The following TLR5 variants were observed in gnomAD, a reference collection of about 807,000 sequenced individuals.
TLR5 encodes the protein toll like receptor 5, also known as toll-like receptor 5.
For synonymous variants in TLR5, 373 were observed against 384.4 expected (o/e 0.97, Z 0.35); for missense variants, 944 against 999.8 (o/e 0.94, Z 0.75).
At position 223,112,682 on chromosome 1, in the gene TLR5, C is replaced by G; in HGVS notation, c.350G>C (p.Gly117Ala). The part of the protein sequence containing the change: ...IYFLHPDAFQ[G>A]LFHLFELRLY... ...TCTAAGTTCAAACAGATGGAACAGT[C>G]CCTGAAAAGCATCTGGATGCAAGAA... Residue 117 changes from glycine to alanine, a missense_variant, in exon 6 of 6, where the codon GGA becomes GCA. By Grantham distance (60) the Gly-to-Ala change is moderately conservative (BLOSUM62 0). Coordinates refer to ENST00000642603, the MANE Select transcript of TLR5 (RefSeq NM_003268.6). The G allele has an allele frequency of 6.2e-7, 1 of 1,614,210 alleles. No individual in the cohort carries two copies. The highest frequency in any genetic ancestry group is 8.5e-7 in the Non-Finnish European group (1 of 1,180,046).
At chr1:223,135,814 G>A (rs1326412783) in intron 3 of TLR5, among the ~76,000 whole-genome samples, 1 of 152,158 alleles carries the variant, frequency 6.6e-6, no homozygotes, top group Non-Finnish European at 1.5e-5. Context: ...TGAAAAAAAT[G>A]GAACCACATA....
At chr1:223,126,412 G>A (rs1298876253) in intron 5 of TLR5, among the ~76,000 whole-genome samples, 4 of 152,138 alleles carry the variant, frequency 2.6e-5, no homozygotes, top group Admixed American at 1.3e-4. Flanking sequence ...ACATTCTGGA[G>A]ACAAACAGTA....
chr1:223,112,205 T>C lies in TLR5; in HGVS notation c.827A>G (p.Asp276Gly), dbSNP rs757640355. 6.2e-7 allele frequency: 1 copy of C among 1,614,196 alleles called. No individual in the cohort carries two copies. The highest frequency in any genetic ancestry group is 8.5e-7 in the Non-Finnish European group (1 of 1,180,034). The change falls in exon 6 of 6, where the codon GAT becomes GGT. Residue 276 changes from aspartate (D) to glycine (G), a missense_variant. Asp to Gly is a moderately conservative substitution (Grantham distance 94). Transcript: ENST00000642603. ...GCCAGCAAATGTGTTCTGGTCAGGATCTTTGATGTTATGGAAGCCAAACCC... is the reference window on the plus strand; with the variant it reads ...GCCAGCAAATGTGTTCTGGTCAGGACCTTTGATGTTATGGAAGCCAAACCC... ...GAGFGFHNIK[D>G]PDQNTFAGLA...
intron 1 of TLR5, among the ~76,000 whole-genome samples, chr1:223,142,742 T>A (rs1657933943): frequency 1.3e-5 from 2 of 152,162 alleles, no homozygotes; most frequent in South Asian, 4.1e-4. Context: ...TCAGTGACTT[T>A]CTGGGATTTC....
rs918753955 is a variant in TLR5 at position 223,110,372 on chromosome 1, A to C, written c.*83T>G. The C allele has an allele frequency of 5.3e-5, 79 of 1,478,450 alleles. No homozygotes were observed. Among genetic ancestry groups the C allele is most frequent in the Non-Finnish European group, 7.2e-5 (77 of 1,068,266 alleles). The allele number at this position is 1,478,450 out of a possible 1,614,324, so 91.6% of individuals were successfully genotyped here. A position where few individuals can be genotyped will look rare whatever the true frequency, so the allele number is the denominator to read the frequency against. On this transcript the variant is annotated 3_prime_UTR_variant, in exon 6 of 6. Coordinates refer to ENST00000642603, the MANE Select transcript of TLR5 (RefSeq NM_003268.6). ...AAAAAGAAAAAAAAAACCTCCAGAG[A>C]GGACCCCAAAATGATAACTTGGTGC...
chr1:223,121,759 A>G (rs1280679431), intron 5 of TLR5, among the ~76,000 whole-genome samples: 1 of 152,176 alleles, frequency 6.6e-6, no homozygotes, highest in Non-Finnish European at 1.5e-5. Flanking sequence ...GGCTCAAGCA[A>G]TCAGCCCACC....
At chr1:223,117,198 C>A (rs181239549) in intron 5 of TLR5, among the ~76,000 whole-genome samples, 1 of 152,112 alleles carries the variant, frequency 6.6e-6, no homozygotes, top group Non-Finnish European at 1.5e-5. Flanking sequence ...GCTCCTGGCC[C>A]GGGTGCTAAG....
intron 1 of TLR5, 87 bp downstream of exon 1, chr1:223,143,109 C>T (rs1657953770): frequency 6.6e-6 from 1 of 152,120 alleles, no homozygotes; most frequent in South Asian, 2.1e-4. Context: ...GAGAGGAGTC[C>T]GACCTCCGCA....
rs1263480217 is a variant in TLR5 at position 223,134,703 on chromosome 1, G to T, written c.-191C>A. 6.6e-6 allele frequency: 1 copy of T among 152,394 alleles called. No individual in the cohort carries two copies. Among genetic ancestry groups the T allele is most frequent in the South Asian group, 2.1e-4 (1 of 4,822 alleles). 9.4% of individuals were successfully genotyped at this position (152,394 alleles called of 1,614,324 possible). ...CTACCTGTCTCCAGGTTCGGACAGC[G>T]CCAACATTCTCAATTAGAAAATTAA... On this transcript the variant is annotated 5_prime_UTR_variant, in exon 4 of 6. Coordinates refer to ENST00000642603, the MANE Select transcript of TLR5 (RefSeq NM_003268.6).
At chr1:223,117,753 T>C (rs2102885247) in intron 5 of TLR5, among the ~76,000 whole-genome samples, 1 of 152,256 alleles carries the variant, frequency 6.6e-6, no homozygotes, top group East Asian at 1.9e-4. Flanking sequence ...GAAACTGTAA[T>C]TTTGCAGGGA....
intron 5 of TLR5, among the ~76,000 whole-genome samples, chr1:223,115,342 C>G (rs563502058): frequency 2.0e-5 from 3 of 152,328 alleles, no homozygotes; most frequent in Non-Finnish European, 4.4e-5. Flanking sequence ...CTCCGCCTCC[C>G]GGGTTCAAGT....
chr1:223,125,214 A>C (rs1173477659), intron 5 of TLR5, among the ~76,000 whole-genome samples: 1 of 152,222 alleles, frequency 6.6e-6, no homozygotes, highest in African/African-American at 2.4e-5. Flanking sequence ...TCACGTTAGA[A>C]ACAAATTTAC....
At chr1:223,123,236 C>T (rs557667748) in intron 5 of TLR5, among the ~76,000 whole-genome samples, 6 of 152,172 alleles carry the variant, frequency 3.9e-5, no homozygotes, top group Non-Finnish European at 7.3e-5. Context: ...AATGCCAGCT[C>T]TGAAGAACAG....
intron 5 of TLR5, among the ~76,000 whole-genome samples, chr1:223,114,319 C>T (rs905046686): frequency 6.6e-6 from 1 of 152,122 alleles, no homozygotes; most frequent in African/African-American, 2.4e-5. Context: ...CTGCAGAGAG[C>T]TTGGTGTCTA....
chr1:223,133,835 A>C (rs1202848632), intron 4 of TLR5, among the ~76,000 whole-genome samples: 2 of 152,166 alleles, frequency 1.3e-5, no homozygotes, highest in Admixed American at 1.3e-4. Context: ...CTTTCCCTAG[A>C]GACCAGCAGA....
chr1:223,125,883 G>C (rs542258482), intron 5 of TLR5, among the ~76,000 whole-genome samples: 1 of 152,290 alleles, frequency 6.6e-6, no homozygotes, highest in South Asian at 2.1e-4. Flanking sequence ...CTGATCACCT[G>C]GTCTTCTGGC....
chr1:223,133,562 A>C (rs1469433893), intron 4 of TLR5, among the ~76,000 whole-genome samples: 1 of 152,118 alleles, frequency 6.6e-6, no homozygotes, highest in African/African-American at 2.4e-5. Flanking sequence ...CATTACCCCC[A>C]TGCCCACGTG....
At position 223,134,837 on chromosome 1, in the gene TLR5, G is replaced by A. The variant is rs1657543535; in HGVS notation, c.-325C>T. 6.6e-6 allele frequency: 1 copy of A among 152,160 alleles called. No individual in the cohort carries two copies. Among genetic ancestry groups the A allele is most frequent in the Non-Finnish European group, 1.5e-5 (1 of 68,036 alleles). 9.4% of individuals were successfully genotyped at this position (152,160 alleles called of 1,614,324 possible). On this transcript the variant is annotated 5_prime_UTR_variant, in exon 4 of 6. Transcript: ENST00000642603. ...ATAAGGTCAGGGGGCTGGAGCAGAT[G>A]AGAGTAGGGAAGTCCAGTATAGCAT...
Position 223,112,156 on chromosome 1 carries a change from G to T in TLR5, c.876C>A (p.His292Gln), listed in dbSNP as rs774465696. 5 of 1,614,206 alleles carry T rather than the reference G, an allele frequency of 3.1e-6. No homozygotes were observed. Among genetic ancestry groups the T allele is most frequent in the Non-Finnish European group, 3.4e-6 (4 of 1,180,040 alleles). Reference sequence around the variant, plus strand: ...AGACAAACCCATGTGAAAGATCCAGGTGTCTCACTGAACTTCTGGCCAGGC... The same window carrying T: ...AGACAAACCCATGTGAAAGATCCAGTTGTCTCACTGAACTTCTGGCCAGGC... ...FAGLARSSVR[H>Q]LDLSHGFVFS... Residue 292 changes from histidine to glutamine, a missense_variant, in exon 6 of 6, where the codon CAC (histidine) becomes CAA (glutamine). His to Gln is a conservative substitution (Grantham distance 24). Transcript: ENST00000642603.
Sources: allele counts gnomAD v4.1 joint callset (sites outside exome capture counted in the v4.1 genomes callset), GRCh38; gene constraint gnomAD v4.1.1; transcripts MANE v1.5; gene names NCBI Gene and HGNC (gene_info 2026-07-23, HGNC 2026-07-21).